The following AMPH variants were observed in gnomAD, a reference collection of about 807,000 sequenced individuals.
AMPH encodes the protein amphiphysin.
AMPH carries 49 observed loss-of-function variants against 99.1 expected under a neutral mutation model. The observed-to-expected ratio is 0.49, with a 90% CI of 0.39 to 0.63. The LOEUF (loss-of-function observed/expected upper bound fraction) is 0.63. Among genes scored for constraint, AMPH ranks in the 20% least tolerant of loss-of-function variants. The probability of loss-of-function intolerance (pLI) is 0.00; values close to 1 mark genes in which losing one functional copy is unlikely to be tolerated. For missense variants in AMPH, 759 were observed against 863.4 expected (o/e 0.88, Z 1.52); for synonymous variants, 314 against 317.3 (o/e 0.99, Z 0.11).
At position 38,461,335 on chromosome 7, in the gene AMPH, C is replaced by T; in HGVS notation, c.965G>A (p.Ser322Asn). ...TGGAACAAAGTTGTCCTCAAAGAAACTGATGATGTTCTCCTGCTGCAGTTC... is the reference window on the plus strand; with the variant it reads ...TGGAACAAAGTTGTCCTCAAAGAAATTGATGATGTTCTCCTGCTGCAGTTC... ...TKELQQENII[S>N]FFEDNFVPEI... is the part of the protein sequence containing the mutation. Residue 322 changes from serine to asparagine, a missense_variant, in exon 11 of 21, where the codon AGT becomes AAT. Physicochemically the swap from Ser to Asn is conservative, Grantham distance 46. Coordinates refer to ENST00000356264, the MANE Select transcript of AMPH (RefSeq NM_001635.4). 6.2e-7 allele frequency: 1 copy of T among 1,614,140 alleles called. No individual in the cohort carries two copies.
chr7:38,497,712 C>T (rs1316709286), intron 3 of AMPH, among the ~76,000 whole-genome samples: 5 of 152,122 alleles, frequency 3.3e-5, no homozygotes, highest in African/African-American at 4.8e-5. Context: ...ATTGCTTAGA[C>T]GAGAGCTGTG....
intron 17 of AMPH, among the ~76,000 whole-genome samples, chr7:38,398,106 CAAAA>C (rs36053688): frequency 1.5e-5 from 1 of 65,680 alleles, no homozygotes; most frequent in East Asian, 3.6e-4. Flanking sequence ...GGAGGTTCCT[CAAAA>C]AAAAAAAAAA....
chr7:38,574,522 A>G (rs1403887025), intron 1 of AMPH, among the ~76,000 whole-genome samples: 1 of 152,242 alleles, frequency 6.6e-6, no homozygotes, highest in Non-Finnish European at 1.5e-5. Context: ...GAGATTTGCA[A>G]TTGCAGCTGC....
chr7:38,447,967 A>G (rs1371625133), intron 11 of AMPH, among the ~76,000 whole-genome samples: 2 of 152,192 alleles, frequency 1.3e-5, no homozygotes, highest in Non-Finnish European at 2.9e-5. Flanking sequence ...CAATGAGGCA[A>G]AAGAGGTAGA....
chr7:38,519,261 C>T (rs1459694400), intron 2 of AMPH, among the ~76,000 whole-genome samples: 1 of 152,210 alleles, frequency 6.6e-6, no homozygotes, highest in Non-Finnish European at 1.5e-5. Flanking sequence ...CAGACTAAGA[C>T]AGCATCTCTA....
chr7:38,503,059 C>A (rs2129026932), intron 3 of AMPH, among the ~76,000 whole-genome samples: 1 of 152,354 alleles, frequency 6.6e-6, no homozygotes, highest in Non-Finnish European at 1.5e-5. Flanking sequence ...AGCCACCTCC[C>A]TATTGCTCTC....
rs1316997178 is a variant in AMPH, at chr7:38,403,132, C to T, written c.1399-8918G>A. 3.3e-5 allele frequency among the ~76,000 whole-genome samples: 5 copies of T among 151,956 alleles called. No homozygotes were observed. The East Asian group carries it at 7.7e-4, about 23-fold the overall frequency. On this transcript the variant is annotated intron_variant, in intron 17 of 20. Transcript: ENST00000356264. ...TCAGAAAGGGGATCAAAGTTACAGA[C>T]GAGTGGCCATGATCTGAATGGAAAG... is the stretch of plus-strand genomic sequence containing the variant.
At chr7:38,451,697 T>C (rs35978695) in intron 11 of AMPH, among the ~76,000 whole-genome samples, 7,017 of 152,188 alleles carry the variant, frequency 0.046, 177 homozygotes, top group South Asian at 0.1. Context: ...CTCAGTCTCA[T>C]GTAAACAGAG....
At chr7:38,395,094 G>A (rs1330509801) in intron 17 of AMPH, among the ~76,000 whole-genome samples, 1 of 152,134 alleles carries the variant, frequency 6.6e-6, no homozygotes, top group East Asian at 1.9e-4. Flanking sequence ...GAAGTGGCCT[G>A]GGTCAGAGAG....
At chr7:38,592,375 C>A (rs140277824) in intron 1 of AMPH, among the ~76,000 whole-genome samples, 42 of 152,296 alleles carry the variant, frequency 2.8e-4, no homozygotes, top group African/African-American at 8.7e-4. Flanking sequence ...GCTACCATGG[C>A]CCCTTCTGAG....
At chr7:38,509,430 G>A (rs915876437) in intron 2 of AMPH, among the ~76,000 whole-genome samples, 1 of 152,142 alleles carries the variant, frequency 6.6e-6, no homozygotes, top group Non-Finnish European at 1.5e-5. Flanking sequence ...ACAAAACAAA[G>A]TTAGAAATCT....
intron 1 of AMPH, among the ~76,000 whole-genome samples, chr7:38,584,008 G>A (rs1187661620): frequency 6.6e-6 from 1 of 152,190 alleles, no homozygotes; most frequent in African/African-American, 2.4e-5. Context: ...AATTTGATTA[G>A]CAACAATCTA....
chr7:38,429,551 C>A lies in AMPH; in HGVS notation c.1182+291G>T, dbSNP rs761283701. 5.7e-6 allele frequency: 8 copies of A among 1,415,660 alleles called. No homozygotes were observed. The South Asian group carries it at 9.8e-5, about 17-fold the overall frequency. The allele number at this position is 1,415,660 out of a possible 1,614,324, so 87.7% of individuals were successfully genotyped here. ...GAGTTTCCTCCATGATCAGGTTACA[C>A]AAGGAAAGACTTTCTGAAGAGTCAG... On this transcript the variant is annotated intron_variant, in intron 14 of 20. Coordinates refer to ENST00000356264, the MANE Select transcript of AMPH (RefSeq NM_001635.4).
chr7:38,526,137 GAGAT>G (rs1298628037), intron 2 of AMPH, among the ~76,000 whole-genome samples: 2 of 152,168 alleles, frequency 1.3e-5, no homozygotes, highest in Non-Finnish European at 2.9e-5. Context: ...GCCATCCTGA[GAGAT>G]GGATGGTGAT....
chr7:38,601,246 A>C (rs554392534), intron 1 of AMPH, among the ~76,000 whole-genome samples: 2 of 152,328 alleles, frequency 1.3e-5, no homozygotes, highest in South Asian at 4.1e-4. Context: ...TCGCTACTGC[A>C]ACAGTTGTCC....
chr7:38,567,442 C>T (rs149473171), intron 1 of AMPH, among the ~76,000 whole-genome samples: 9,961 of 152,046 alleles, frequency 0.066, 376 homozygotes, highest in East Asian at 0.11. Flanking sequence ...ATATAAATGA[C>T]GAGTTGATGG....
chr7:38,591,758 C>T (rs1457989958), intron 1 of AMPH, among the ~76,000 whole-genome samples: 1 of 152,224 alleles, frequency 6.6e-6, no homozygotes, highest in African/African-American at 2.4e-5. Flanking sequence ...TCTTTACCAC[C>T]TCCCTAATTC....
chr7:38,610,158 C>G (rs1361402417), intron 1 of AMPH, among the ~76,000 whole-genome samples: 1 of 146,408 alleles, frequency 6.8e-6, no homozygotes, highest in African/African-American at 2.5e-5. Context: ...ATTGCTTGAA[C>G]CTAGGAGGCA....
intron 11 of AMPH, among the ~76,000 whole-genome samples, chr7:38,451,066 T>C (rs1786994672): frequency 6.6e-6 from 1 of 151,322 alleles, no homozygotes; most frequent in Admixed American, 6.6e-5. Flanking sequence ...CTATTTTTTT[T>C]TTTTTTTGTA....
Sources: allele counts gnomAD v4.1 joint callset (sites outside exome capture counted in the v4.1 genomes callset), GRCh38; gene constraint gnomAD v4.1.1; transcripts MANE v1.5; gene names NCBI Gene and HGNC (gene_info 2026-07-23, HGNC 2026-07-21).